Variants in SLC9A9 observed in about 807,000 individuals in gnomAD.
The protein encoded by SLC9A9 is solute carrier family 9 member A9.
In SLC9A9, 62 loss-of-function variants were observed where a neutral mutation model predicts 77.8. The observed-to-expected ratio is 0.80, with a 90% CI of 0.65 to 0.98. SLC9A9 has a LOEUF of 0.98. SLC9A9 is among the 50% of genes least tolerant of loss of function. The pLI is 0.00. For synonymous variants in SLC9A9, 320 were observed against 283.5 expected (o/e 1.13, Z -1.29); for missense variants, 775 against 774.9 (o/e 1.00, Z 0.00).
At chr3:143,354,060 C>T (rs151227203) in intron 14 of SLC9A9, among the ~76,000 whole-genome samples, 360 of 152,216 alleles carry the variant, frequency 2.4e-3, no homozygotes, top group Middle Eastern at 6.8e-3. Context: ...ATTCATTGTC[C>T]CTCCAGACCA....
intron 6 of SLC9A9, among the ~76,000 whole-genome samples, chr3:143,636,301 A>G (rs2038519495): frequency 6.6e-6 from 1 of 152,172 alleles, no homozygotes; most frequent in Non-Finnish European, 1.5e-5. Flanking sequence ...TGTTATCATT[A>G]ATTGTTGCTG....
At chr3:143,804,927 C>A (rs2008670292) in intron 2 of SLC9A9, among the ~76,000 whole-genome samples, 1 of 152,112 alleles carries the variant, frequency 6.6e-6, no homozygotes, top group African/African-American at 2.4e-5. Context: ...CAGTTGTCCC[C>A]CAGAACCGCT....
intron 6 of SLC9A9, among the ~76,000 whole-genome samples, chr3:143,611,282 G>A (rs1323500417): frequency 6.6e-6 from 1 of 152,102 alleles, no homozygotes; most frequent in Non-Finnish European, 1.5e-5. Context: ...GAAGAGAAAA[G>A]ATGAGATCAC....
At chr3:143,592,109 T>C (rs920271627) in intron 6 of SLC9A9, among the ~76,000 whole-genome samples, 2 of 152,190 alleles carry the variant, frequency 1.3e-5, no homozygotes, top group African/African-American at 2.4e-5. Flanking sequence ...ACCACTGAAG[T>C]AGTGATCTGC....
At chr3:143,432,919 C>T (rs1409078347) in intron 12 of SLC9A9, among the ~76,000 whole-genome samples, 1 of 152,234 alleles carries the variant, frequency 6.6e-6, no homozygotes, top group Admixed American at 6.5e-5. Context: ...AGCTACTGCG[C>T]CTGGCCTCTT....
At chr3:143,324,261 G>GC (rs1394685216) in intron 14 of SLC9A9, among the ~76,000 whole-genome samples, 4 of 152,120 alleles carry the variant, frequency 2.6e-5, no homozygotes, top group Non-Finnish European at 4.4e-5. Context: ...CAGTGGGTGA[G>GC]CCTTGTCTAA....
chr3:143,793,730 T>A (rs2008288533), intron 4 of SLC9A9, among the ~76,000 whole-genome samples: 1 of 152,240 alleles, frequency 6.6e-6, no homozygotes, highest in African/African-American at 2.4e-5. Context: ...AACTATTTAT[T>A]CAAGATGTCT....
At chr3:143,776,463 A>T (rs1322634218) in intron 4 of SLC9A9, among the ~76,000 whole-genome samples, 1 of 152,216 alleles carries the variant, frequency 6.6e-6, no homozygotes, top group Non-Finnish European at 1.5e-5. Context: ...AAAGCAGGTT[A>T]TGAAAACAAA....
intron 6 of SLC9A9, among the ~76,000 whole-genome samples, chr3:143,612,858 C>T (rs946424243): frequency 5.3e-5 from 8 of 152,268 alleles, no homozygotes; most frequent in South Asian, 4.1e-4. Context: ...TCAATAGCAA[C>T]TTGCTTAAAG....
At chr3:143,645,134 A>C (rs1368936716) in intron 6 of SLC9A9, among the ~76,000 whole-genome samples, 6 of 152,146 alleles carry the variant, frequency 3.9e-5, no homozygotes, top group African/African-American at 1.4e-4. Context: ...AGTATTATAA[A>C]ACGTCTCCCC....
At chr3:143,301,332 T>C (rs1182209069) in intron 14 of SLC9A9, among the ~76,000 whole-genome samples, 1 of 152,220 alleles carries the variant, frequency 6.6e-6, no homozygotes, top group Non-Finnish European at 1.5e-5. Context: ...ACCAACTGCT[T>C]CCTCTTCTAT....
At chr3:143,827,115 T>A (rs1160478274) in intron 2 of SLC9A9, among the ~76,000 whole-genome samples, 1 of 152,232 alleles carries the variant, frequency 6.6e-6, no homozygotes, top group African/African-American at 2.4e-5. Context: ...GGTTTTGAAC[T>A]TCCTATTGAC....
chr3:143,773,911 G>C (rs1168920595), intron 4 of SLC9A9, among the ~76,000 whole-genome samples: 1 of 152,184 alleles, frequency 6.6e-6, no homozygotes, highest in Admixed American at 6.5e-5. Flanking sequence ...CTCTAGCATG[G>C]TGATTGCCAC....
chr3:143,389,322 C>A (rs184213444), intron 12 of SLC9A9, among the ~76,000 whole-genome samples: 1 of 151,928 alleles, frequency 6.6e-6, no homozygotes, highest in African/African-American at 2.4e-5. Flanking sequence ...ATGGTCCAAC[C>A]AAGAGTTCAT....
At chr3:143,560,897 G>C (rs763582352) in intron 8 of SLC9A9, among the ~76,000 whole-genome samples, 1 of 152,136 alleles carries the variant, frequency 6.6e-6, no homozygotes, top group Non-Finnish European at 1.5e-5. Context: ...AATTTGAGTT[G>C]AGGCCAAACG....
intron 14 of SLC9A9, among the ~76,000 whole-genome samples, chr3:143,325,328 T>C (rs1501631): frequency 0.25 from 38,661 of 152,160 alleles, 5,405 homozygotes; most frequent in Middle Eastern, 0.36. Context: ...GAGAAGTGCC[T>C]GTAATACTGG....
At chr3:143,652,405 A>G in intron 5 of SLC9A9, 45 bp from the exon 6 acceptor site, 2 of 1,488,004 alleles carry the variant, frequency 1.3e-6, no homozygotes, top group East Asian at 2.3e-5. Flanking sequence ...GGATGCAGGC[A>G]TGGAGTTTTC....
intron 13 of SLC9A9, among the ~76,000 whole-genome samples, chr3:143,379,836 A>G (rs1205021978): frequency 6.6e-6 from 1 of 152,196 alleles, no homozygotes; most frequent in African/African-American, 2.4e-5. Flanking sequence ...TGATCTGCTT[A>G]TCCATGATTC....
chr3:143,626,622 G>C (rs557783048), intron 6 of SLC9A9, among the ~76,000 whole-genome samples: 1 of 152,044 alleles, frequency 6.6e-6, no homozygotes, highest in South Asian at 2.1e-4. Flanking sequence ...GTTGTGGGGT[G>C]GGGGGATGGG....
Sources: allele counts gnomAD v4.1 joint callset (sites outside exome capture counted in the v4.1 genomes callset), GRCh38; gene constraint gnomAD v4.1.1; transcripts MANE v1.5; gene names NCBI Gene and HGNC (gene_info 2026-07-23, HGNC 2026-07-21).